The following MYO15A variants were observed in gnomAD, a reference collection of about 807,000 sequenced individuals.
The protein encoded by MYO15A is unconventional myosin-XV.
MYO15A carries 308 observed loss-of-function variants against 394.6 expected under a neutral mutation model. The observed-to-expected ratio is 0.78, with a 90% CI of 0.71 to 0.86. MYO15A has a LOEUF of 0.86. Among genes scored for constraint, MYO15A ranks in the 40% least tolerant of loss-of-function variants. The pLI is 0.00. For synonymous variants in MYO15A, 1,957 were observed against 2,003.8 expected, an observed-to-expected ratio of 0.98 and a Z score of 0.62; for missense variants, 4,606 against 4,799.1, an observed-to-expected ratio of 0.96 and a Z score of 1.19.
Position 18,122,298 on chromosome 17 carries a change from C to T in MYO15A, c.3498C>T (p.Pro1166=), listed in dbSNP as rs747533694. The T allele has an allele frequency of 6.2e-7, 1 of 1,613,058 alleles. No homozygotes were observed. Among genetic ancestry groups the T allele is most frequent in the Admixed American group, 1.7e-5 (1 of 60,024 alleles). ...GGCTTCGGGCAGATGCCTATGGACC[C>T]TGGCCACGAGTACACACCCATCCCC... is the stretch of plus-strand genomic sequence containing the variant. ...CLWLRADAYG[P]WPRVHTHPQS... Residue 1166 remains proline (P), a synonymous_variant, in exon 2 of 66, where the codon CCC becomes CCT. Transcript: ENST00000647165.
intron 4 of MYO15A, 146 bp downstream of exon 4, chr17:18,125,377 A>T: frequency 1.2e-6 from 1 of 814,110 alleles, no homozygotes; most frequent in Middle Eastern, 3.3e-4. Context: ...TAAAATCTGA[A>T]GTCTTAAAAC....
intron 6 of MYO15A, 88 bp from the exon 7 acceptor site, chr17:18,126,987 C>G: frequency 6.3e-7 from 1 of 1,597,610 alleles, no homozygotes; most frequent in Non-Finnish European, 8.6e-7. Context: ...GCCCACCGTA[C>G]ATATCCTCTT....
Position 18,179,006 on chromosome 17 carries a change from G to GC in MYO15A, c.*137dup. On this transcript the variant is annotated 3_prime_UTR_variant, in exon 66 of 66. Coordinates refer to ENST00000647165, the MANE Select transcript of MYO15A (RefSeq NM_016239.4). ...AGGACACTAAGAGGAGGCAGGAGGA[G>GC]CAACTCAAATCCCCAAGAACACAAG... 2.3e-6 allele frequency: 2 copies of GC among 852,724 alleles called. No homozygotes were observed. The highest frequency in any genetic ancestry group is 3.8e-6 in the Non-Finnish European group (2 of 526,684). The allele number at this position is 852,724 out of a possible 1,614,324, so 52.8% of individuals were successfully genotyped here.
At position 18,135,756 on chromosome 17, in the gene MYO15A, C is replaced by T. The variant is rs779077039; in HGVS notation, c.4528C>T (p.Gln1510Ter). ...CTCAGTGGTGAGTGCCCGAGAGATC[C>T]AGGCCGTGGCAGAGCTGCTGCAGAT... is the stretch of plus-strand genomic sequence containing the variant. ...VASVVSAREI[Q>*]AVAELLQISP... is the part of the protein sequence containing the mutation. Residue 1510 changes from glutamine to a stop codon, truncating the protein, a stop_gained, in exon 13 of 66, where the codon CAG (glutamine) becomes TAG (stop). Coordinates refer to ENST00000647165, the MANE Select transcript of MYO15A (RefSeq NM_016239.4). LOFTEE classifies it high-confidence loss of function. The T allele has an allele frequency of 1.2e-5, 19 of 1,614,070 alleles. No individual in the cohort carries two copies. The highest frequency in any genetic ancestry group is 3.3e-5 in the South Asian group (3 of 91,088).
At position 18,121,347 on chromosome 17, in the gene MYO15A, G is replaced by T; in HGVS notation, c.2547G>T (p.Pro849=). 1 of 1,419,462 alleles carries T rather than the reference G, an allele frequency of 7.0e-7. No homozygotes were observed. Among genetic ancestry groups the T allele is most frequent in the Non-Finnish European group, 9.1e-7 (1 of 1,093,582 alleles). The allele number at this position is 1,419,462 out of a possible 1,614,324, so 87.9% of individuals were successfully genotyped here. ...PLPGSPRPPS[P]PLGLCHSPRR... Reference sequence around the variant, plus strand: ...CGGGCTCACCCAGGCCGCCCTCGCCGCCCCTGGGGCTCTGCCACAGCCCGC... The same window carrying T: ...CGGGCTCACCCAGGCCGCCCTCGCCTCCCCTGGGGCTCTGCCACAGCCCGC... The change falls in exon 2 of 66, where the codon CCG becomes CCT. Residue 849 remains proline, a synonymous_variant. Coordinates refer to ENST00000647165, the MANE Select transcript of MYO15A (RefSeq NM_016239.4). This position sits in a 1 kb window ranked among gnomAD's most constrained non-coding sequence, Gnocchi z 5.3.
intron 48 of MYO15A, 27 bp downstream of exon 48, chr17:18,156,363 T>A (rs774201480): frequency 1.9e-6 from 3 of 1,612,484 alleles, no homozygotes; most frequent in Admixed American, 3.3e-5. Context: ...AGATCTTCCC[T>A]CCACCCAGGC....
chr17:18,120,214 T>TC lies in MYO15A; in HGVS notation c.1417dup (p.Leu473ProfsTer88). ...GGATAAGCCCGCCAGGTCCAAGCTGTCCCTCATCCGCAAGTTCCGCCTCTT... is the reference window on the plus strand; with the variant it reads ...GGATAAGCCCGCCAGGTCCAAGCTGTCCCCTCATCCGCAAGTTCCGCCTCTT... On this transcript the variant is annotated frameshift_variant, in exon 2 of 66. Coordinates refer to ENST00000647165, the MANE Select transcript of MYO15A (RefSeq NM_016239.4). LOFTEE classifies it high-confidence loss of function. 1 of 1,612,828 alleles carries TC rather than the reference T, an allele frequency of 6.2e-7. No individual in the cohort carries two copies. Among genetic ancestry groups the TC allele is most frequent in the Non-Finnish European group, 8.5e-7 (1 of 1,179,920 alleles).
intron 1 of MYO15A, 128 bp downstream of exon 1, chr17:18,108,952 CT>C (rs1202688810): frequency 6.6e-6 from 1 of 152,514 alleles, no homozygotes; most frequent in East Asian, 1.9e-4. Context: ...TCTTGAGGCC[CT>C]TCTCTGCCTC....
intron 18 of MYO15A, 72 bp downstream of exon 18, chr17:18,139,008 A>G: frequency 6.4e-7 from 1 of 1,562,130 alleles, no homozygotes; most frequent in Non-Finnish European, 8.7e-7. Context: ...CAGAAGCACA[A>G]CACTGGCCCC....
In MYO15A at chr17:18,118,912, A is replaced by C. The variant is rs1359300875; in HGVS notation, c.112A>C (p.Met38Leu). ...CCTGAAGGGGACGTCGCGGCTGTTC[A>C]TGGGCTTCCGCGACCGTACACCCAA... is the stretch of plus-strand genomic sequence containing the variant. Reference protein sequence around the residue: ...RSLKGTSRLFMGFRDRTPKIS... With the variant: ...RSLKGTSRLFLGFRDRTPKIS... Residue 38 changes from methionine (M) to leucine (L), a missense_variant, in exon 2 of 66, where the codon ATG (methionine) becomes CTG (leucine). Coordinates refer to ENST00000647165, the MANE Select transcript of MYO15A (RefSeq NM_016239.4). The C allele has an allele frequency of 1.2e-6, 2 of 1,613,876 alleles. No homozygotes were observed. Among genetic ancestry groups the C allele is most frequent in the Admixed American group, 3.3e-5 (2 of 60,014 alleles).
chr17:18,173,889 G>A lies in MYO15A; in HGVS notation c.10459G>A (p.Ala3487Thr), dbSNP rs1301744096. ...YVEIALGDVA[A>T]QRTLQLQLEQ... ...GGAGATTGCGCTGGGGGACGTGGCG[G>A]CCCAGCGCACCTTGCAGCTGCAGCT... The change falls in exon 65 of 66, where the codon GCC becomes ACC. Residue 3487 changes from alanine to threonine, a missense_variant. This residue lies in a region of MYO15A where 2,776 missense variants were observed against 3,109.3 expected (regional missense o/e 0.89). Transcript: ENST00000647165. The A allele has an allele frequency of 1.9e-6, 3 of 1,612,696 alleles. No individual in the cohort carries two copies. The highest frequency in any genetic ancestry group is 2.5e-6 in the Non-Finnish European group (3 of 1,179,402).
chr17:18,147,910 T>C lies in MYO15A; in HGVS notation c.6510-119T>C. 2 of 1,293,886 alleles carry C rather than the reference T, an allele frequency of 1.5e-6. No homozygotes were observed. The highest frequency in any genetic ancestry group is 2.2e-6 in the Non-Finnish European group (2 of 901,284). 80.2% of individuals were successfully genotyped at this position (1,293,886 alleles called of 1,614,324 possible). A position where few individuals can be genotyped will look rare whatever the true frequency, so the allele number is the denominator to read the frequency against. On this transcript the variant is annotated intron_variant, in intron 30 of 65. Coordinates refer to ENST00000647165, the MANE Select transcript of MYO15A (RefSeq NM_016239.4). The surrounding 1 kb of genome is among the most constrained non-coding windows in gnomAD (Gnocchi z 4.4). Reference sequence around the variant, plus strand: ...CCTTTTTAGCCTCACCTTGGAGCTCTGGAGTAGCCTGGGCCTTTCTCAGAC... The same window carrying C: ...CCTTTTTAGCCTCACCTTGGAGCTCCGGAGTAGCCTGGGCCTTTCTCAGAC...
chr17:18,140,522 G>A lies in MYO15A; in HGVS notation c.5217G>A (p.Val1739=), dbSNP rs2046358921. The change falls in exon 20 of 66, where the codon GTG becomes GTA. Residue 1739 remains valine (V), a synonymous_variant. Transcript: ENST00000647165. ...DLFVRSRTRV[V]AHLFSSHAPQ... ...CTGCCCCGACCCCTGCCCAGGTGGT[G>A]GCACACCTCTTCTCCAGCCATGCCC... 1.2e-6 allele frequency: 2 copies of A among 1,613,524 alleles called. No homozygotes were observed. Among genetic ancestry groups the A allele is most frequent in the Admixed American group, 3.3e-5 (2 of 60,026 alleles).
In MYO15A at chr17:18,153,982, G is replaced by A; in HGVS notation, c.8088+86G>A. On this transcript the variant is annotated intron_variant, in intron 43 of 65. Coordinates refer to ENST00000647165, the MANE Select transcript of MYO15A (RefSeq NM_016239.4). This position sits in a 1 kb window ranked among gnomAD's most constrained non-coding sequence, Gnocchi z 4.1. ...GAGCAGAGGAGGGTCTAGGACTTGG[G>A]GAGGGAGCCCAGGAGGACAGAAAAA... 1 of 1,608,668 alleles carries A rather than the reference G, an allele frequency of 6.2e-7. No homozygotes were observed. Among genetic ancestry groups the A allele is most frequent in the Non-Finnish European group, 8.5e-7 (1 of 1,176,710 alleles).
chr17:18,149,712 T>A, intron 35 of MYO15A, 132 bp downstream of exon 35: 2 of 916,822 alleles, frequency 2.2e-6, no homozygotes, highest in Non-Finnish European at 3.5e-6. Context: ...CATCTGGATG[T>A]CTGCTGGAGG....
intron 64 of MYO15A, among the ~76,000 whole-genome samples, chr17:18,172,966 A>G (rs1483438501): frequency 6.6e-6 from 1 of 152,222 alleles, no homozygotes; most frequent in Non-Finnish European, 1.5e-5. Context: ...TCCCAGAACT[A>G]GACCCTGCGA....
intron 1 of MYO15A, among the ~76,000 whole-genome samples, chr17:18,115,088 T>C (rs2045767776): frequency 6.6e-6 from 1 of 152,052 alleles, no homozygotes; most frequent in South Asian, 2.1e-4. Context: ...GCCTCTCCAT[T>C]CTCCCTGATG....
At chr17:18,163,893 G>T in intron 60 of MYO15A, 55 bp downstream of exon 60, 1 of 1,558,534 alleles carries the variant, frequency 6.4e-7, no homozygotes, top group East Asian at 2.3e-5. Context: ...CGGGCCTTGT[G>T]CCATGTGGGG....
rs1567636026 is a variant in MYO15A, at chr17:18,132,612, AC to A, written c.4320+50del. The A allele has an allele frequency of 1.3e-6, 2 of 1,524,758 alleles. No homozygotes were observed. The highest frequency in any genetic ancestry group is 2.2e-5 in the South Asian group (2 of 89,358). 94.5% of individuals were successfully genotyped at this position (1,524,758 alleles called of 1,614,324 possible). ...GAAGGCCCCTGGCCCTGGTCCTCCC[AC>A]CCCGACGCCCCTGGCTGGGCCTTGG... On this transcript the variant is annotated intron_variant, in intron 11 of 65. Coordinates refer to ENST00000647165, the MANE Select transcript of MYO15A (RefSeq NM_016239.4). The surrounding 1 kb of genome is among the most constrained non-coding windows in gnomAD (Gnocchi z 4.6).
Sources: gnomAD v4.1 joint callset for allele counts (sites outside exome capture counted in the v4.1 genomes callset) on GRCh38, gnomAD v4.1.1 for gene constraint, gnomAD v4.1.1 regional missense constraint, Gnocchi (gnomAD v3.1) non-coding constraint, MANE v1.5 for transcripts, NCBI Gene and HGNC (gene_info 2026-07-23, HGNC 2026-07-21) for gene names.